The following DPP10 variants were observed in gnomAD, a reference collection of about 807,000 sequenced individuals.
DPP10 encodes the protein inactive dipeptidyl peptidase 10.
DPP10 carries 33 observed loss-of-function variants against 120.9 expected under a neutral mutation model. The observed-to-expected ratio is 0.27, with a 90% CI of 0.21 to 0.37. DPP10 has a LOEUF of 0.37. DPP10 is among the 10% of genes least tolerant of loss of function. DPP10 has a pLI of 1.00. For synonymous variants in DPP10, 337 were observed against 326.1 expected (o/e 1.03, Z -0.36); for missense variants, 816 against 942.8 (o/e 0.87, Z 1.76).
chr2:114,911,452 T>G (rs1694362856), intron 1 of DPP10, among the ~76,000 whole-genome samples: 1 of 152,228 alleles, frequency 6.6e-6, no homozygotes, highest in African/African-American at 2.4e-5. Flanking sequence ...TCCCAGATCA[T>G]AGATGAACAA....
chr2:114,605,951 G>A (rs1692753120), intron 1 of DPP10, among the ~76,000 whole-genome samples: 2 of 152,074 alleles, frequency 1.3e-5, no homozygotes, highest in African/African-American at 4.8e-5. Flanking sequence ...CAGTAAGTGG[G>A]TAACTTGCCT....
At chr2:115,562,715 A>C (rs2080764103) in intron 5 of DPP10, among the ~76,000 whole-genome samples, 1 of 152,190 alleles carries the variant, frequency 6.6e-6, no homozygotes, top group Non-Finnish European at 1.5e-5. Flanking sequence ...CTAAAACATA[A>C]TCTCCCCAAA....
intron 1 of DPP10, among the ~76,000 whole-genome samples, chr2:115,024,227 T>C (rs1573346406): frequency 6.6e-6 from 1 of 152,174 alleles, no homozygotes; most frequent in Non-Finnish European, 1.5e-5. Flanking sequence ...GGGTTTCTTA[T>C]AGACAGCATA....
intron 1 of DPP10, among the ~76,000 whole-genome samples, chr2:115,006,521 A>G (rs1429179032): frequency 1.3e-5 from 2 of 150,514 alleles, no homozygotes. Flanking sequence ...GGATGGAGGA[A>G]GATCTACCAA....
chr2:115,363,597 C>T (rs1284496954), intron 3 of DPP10, among the ~76,000 whole-genome samples: 2 of 152,226 alleles, frequency 1.3e-5, no homozygotes, highest in South Asian at 2.1e-4. Context: ...GCCATATCTT[C>T]TTCACCTATA....
intron 1 of DPP10, among the ~76,000 whole-genome samples, chr2:114,460,574 A>C (rs1488467585): frequency 6.6e-6 from 1 of 152,134 alleles, no homozygotes; most frequent in Non-Finnish European, 1.5e-5. Flanking sequence ...TATTTATGAC[A>C]CAAATTTTTT....
chr2:115,224,691 A>G (rs902770117), intron 1 of DPP10, among the ~76,000 whole-genome samples: 5 of 152,242 alleles, frequency 3.3e-5, no homozygotes, highest in Admixed American at 1.3e-4. Flanking sequence ...CATACACACA[A>G]TAATCATGTG....
At chr2:115,481,825 G>A (rs1319515121) in intron 3 of DPP10, among the ~76,000 whole-genome samples, 2 of 151,760 alleles carry the variant, frequency 1.3e-5, no homozygotes, top group Non-Finnish European at 2.9e-5. Context: ...CATATCACCT[G>A]CATATGATTA....
chr2:115,493,759 G>A (rs1231838888), intron 3 of DPP10, among the ~76,000 whole-genome samples: 3 of 152,094 alleles, frequency 2.0e-5, no homozygotes, highest in Non-Finnish European at 2.9e-5. Context: ...GCAGGTCAGT[G>A]ATGATGCTGG....
At chr2:115,505,677 C>G (rs2076903813) in intron 4 of DPP10, among the ~76,000 whole-genome samples, 1 of 152,044 alleles carries the variant, frequency 6.6e-6, no homozygotes, top group Non-Finnish European at 1.5e-5. Flanking sequence ...ATTGCTGTCT[C>G]CCAGTCATAG....
chr2:114,836,316 G>T (rs1235710226), intron 1 of DPP10, among the ~76,000 whole-genome samples: 3 of 152,112 alleles, frequency 2.0e-5, no homozygotes, highest in Non-Finnish European at 4.4e-5. Context: ...TTTCATGTAG[G>T]TTCTTTTCTG....
In DPP10 at chr2:115,037,248, A is replaced by G. The variant is rs546002510; in HGVS notation, c.61-271991A>G. ...CTATTTACCCATAATACGTAATAAA[A>G]AACTAAAAGATCGTGAAAGGAGGAG... On this transcript the variant is annotated intron_variant, in intron 1 of 25. Coordinates refer to ENST00000410059, the MANE Select transcript of DPP10 (RefSeq NM_020868.6). Among the ~76,000 whole-genome samples the G allele has an allele frequency of 7.4e-4, 113 of 152,342 alleles. 2 individuals carry two copies. Among genetic ancestry groups the G allele is most frequent in the African/African-American group, 2.4e-3 (101 of 41,574 alleles).
At chr2:115,493,529 A>AT (rs2076234549) in intron 3 of DPP10, among the ~76,000 whole-genome samples, 1 of 151,550 alleles carries the variant, frequency 6.6e-6, no homozygotes, top group Admixed American at 6.6e-5. Flanking sequence ...AAAAAAAAAA[A>AT]GCCTACAGCT....
intron 3 of DPP10, among the ~76,000 whole-genome samples, chr2:115,374,878 C>T (rs1036073974): frequency 6.6e-6 from 1 of 152,218 alleles, no homozygotes; most frequent in African/African-American, 2.4e-5. Flanking sequence ...GAGCAGCTGG[C>T]CCTTGGGCCT....
intron 1 of DPP10, among the ~76,000 whole-genome samples, chr2:114,631,015 G>A (rs569326574): frequency 6.6e-6 from 1 of 152,248 alleles, no homozygotes; most frequent in South Asian, 2.1e-4. Flanking sequence ...TGGCTGGCCA[G>A]TTATTCTCAT....
chr2:115,398,117 A>C (rs2067813295), intron 3 of DPP10, among the ~76,000 whole-genome samples: 1 of 151,358 alleles, frequency 6.6e-6, no homozygotes, highest in African/African-American at 2.4e-5. Context: ...GAACTTAAAA[A>C]CTCATGGTTT....
At chr2:114,464,789 C>T (rs1341659351) in intron 1 of DPP10, among the ~76,000 whole-genome samples, 1 of 152,150 alleles carries the variant, frequency 6.6e-6, no homozygotes, top group Non-Finnish European at 1.5e-5. Context: ...CGCTTGAACC[C>T]AGGAGGCAGA....
chr2:114,992,831 A>G (rs1700827405), intron 1 of DPP10, among the ~76,000 whole-genome samples: 1 of 152,236 alleles, frequency 6.6e-6, no homozygotes, highest in African/African-American at 2.4e-5. Context: ...ATCAATAGTT[A>G]CAGGAAGTTA....
At chr2:115,490,872 A>C (rs2076075749) in intron 3 of DPP10, among the ~76,000 whole-genome samples, 1 of 152,204 alleles carries the variant, frequency 6.6e-6, no homozygotes, top group Non-Finnish European at 1.5e-5. Context: ...TATTCCCAGC[A>C]GTTTGGGAGG....
Sources: allele counts gnomAD v4.1 joint callset (sites outside exome capture counted in the v4.1 genomes callset), GRCh38; gene constraint gnomAD v4.1.1; transcripts MANE v1.5; gene names NCBI Gene and HGNC (gene_info 2026-07-23, HGNC 2026-07-21).